CFAP46: variants seen among roughly 807,000 people sequenced by gnomAD.
CFAP46 encodes cilia and flagella associated protein 46.
CFAP46 carries 245 observed loss-of-function variants against 325.7 expected under a neutral mutation model. The observed-to-expected ratio is 0.75, with a 90% confidence interval of 0.68 to 0.84. CFAP46 has a LOEUF of 0.84. Ranked by LOEUF, CFAP46 falls within the 40% of genes least tolerant of loss-of-function variation. The pLI is 0.00. For synonymous variants in CFAP46, 1,523 were observed against 1,495.9 expected, an observed-to-expected ratio of 1.02 and a Z score of -0.42; for missense variants, 3,346 against 3,543.0, an observed-to-expected ratio of 0.94 and a Z score of 1.41.
At chr10:132,846,008 C>T in intron 44 of CFAP46, 49 bp downstream of exon 44, 2 of 1,563,268 alleles carry the variant, frequency 1.3e-6, no homozygotes, top group Non-Finnish European at 1.7e-6. Flanking sequence ...TGTCTGTCCA[C>T]AGAGCTCCAG....
chr10:132,817,127 C>A lies in CFAP46; in HGVS notation c.7118-2213G>T, dbSNP rs372327455. On this transcript the variant is annotated intron_variant, in intron 50 of 57. Coordinates refer to ENST00000368586, the MANE Select transcript of CFAP46 (RefSeq NM_001200049.3). This position sits in a 1 kb window ranked among gnomAD's most constrained non-coding sequence, Gnocchi z 4.4. ...ATCTCCCAGCGTTGGGGCTGGCCAACGGCTGCACCCCGCGGTTTTTGCTTT... is the reference window on the plus strand; with the variant it reads ...ATCTCCCAGCGTTGGGGCTGGCCAAAGGCTGCACCCCGCGGTTTTTGCTTT... Among the ~76,000 whole-genome samples the A allele has an allele frequency of 6.6e-6, 1 of 152,120 alleles. No homozygotes were observed. Among genetic ancestry groups the A allele is most frequent in the African/African-American group, 2.4e-5 (1 of 41,426 alleles).
intron 24 of CFAP46, 143 bp from the exon 25 acceptor site, chr10:132,892,560 G>T: frequency 1.4e-6 from 1 of 703,502 alleles, no homozygotes; most frequent in Non-Finnish European, 2.4e-6. Context: ...AAATTAACCT[G>T]ACAATGTTGT....
At chr10:132,868,524 G>A (rs1488211785) in intron 33 of CFAP46, among the ~76,000 whole-genome samples, 1 of 152,196 alleles carries the variant, frequency 6.6e-6, no homozygotes, top group Non-Finnish European at 1.5e-5. Flanking sequence ...GGTGAAGGCT[G>A]GTTACCACAG....
In CFAP46 at chr10:132,922,172, A is replaced by G. The variant is rs1849734244; in HGVS notation, c.1538T>C (p.Val513Ala). 6.4e-7 allele frequency: 1 copy of G among 1,550,446 alleles called. No individual in the cohort carries two copies. Among genetic ancestry groups the G allele is most frequent in the Non-Finnish European group, 8.7e-7 (1 of 1,146,942 alleles). Residue 513 changes from valine (V) to alanine (A), a missense_variant, in exon 13 of 58, where the codon GTG (valine) becomes GCG (alanine). Transcript: ENST00000368586. ...AGGGGCTAAGGCCAGGCCTGCATTC[A>G]CCAGGAGGGCCCGCTTCTTCCTGAC... ...DSVRKKRALL[V>A]NAGLALAPDA... is the part of the protein sequence containing the mutation.
intron 50 of CFAP46, among the ~76,000 whole-genome samples, chr10:132,818,856 GA>G (rs560908251): frequency 0.018 from 1,505 of 84,702 alleles, 18 homozygotes; most frequent in African/African-American, 0.054. Flanking sequence ...TCCATCTCCA[GA>G]AAAAAAAAAA....
At chr10:132,823,286 GTGC>G (rs1847930847) in intron 50 of CFAP46, among the ~76,000 whole-genome samples, 1 of 124,260 alleles carries the variant, frequency 8.0e-6, no homozygotes, top group Non-Finnish European at 1.7e-5. Flanking sequence ...TGTGCTGTGT[GTGC>G]TGTGTGTTGT....
At position 132,847,165 on chromosome 10, in the gene CFAP46, G is replaced by T. The variant is rs376079983; in HGVS notation, c.6087+22C>A. ...CAGGCTCCGGGCAGAGGCCACACGA[G>T]GGGCAGGAGGGGCAGCCGCACCTTC... On this transcript the variant is annotated intron_variant, in intron 42 of 57. Coordinates refer to ENST00000368586, the MANE Select transcript of CFAP46 (RefSeq NM_001200049.3). This position sits in a 1 kb window ranked among gnomAD's most constrained non-coding sequence, Gnocchi z 5.2. 2 of 1,608,440 alleles carry T rather than the reference G, an allele frequency of 1.2e-6. No individual in the cohort carries two copies. Among genetic ancestry groups the T allele is most frequent in the African/African-American group, 1.3e-5 (1 of 74,910 alleles).
intron 15 of CFAP46, 121 bp from the exon 16 acceptor site, chr10:132,918,641 A>C: frequency 1.5e-6 from 2 of 1,301,394 alleles, no homozygotes; most frequent in South Asian, 3.7e-5. Context: ...AGGGTCCGCC[A>C]AGGTGGGCGG....
At chr10:132,878,835 C>T (rs2135352376) in intron 29 of CFAP46, among the ~76,000 whole-genome samples, 1 of 152,324 alleles carries the variant, frequency 6.6e-6, no homozygotes, top group East Asian at 1.9e-4. Flanking sequence ...AAAGGCCTGC[C>T]ATGCCTGGCG....
intron 8 of CFAP46, 69 bp downstream of exon 8, chr10:132,934,683 T>C: frequency 4.5e-6 from 5 of 1,110,698 alleles, no homozygotes; most frequent in Non-Finnish European, 6.7e-6. Context: ...TTTTTCACAT[T>C]TTTCAGTGCC....
At chr10:132,821,948 C>CA (rs1847849431) in intron 50 of CFAP46, among the ~76,000 whole-genome samples, 1 of 90,406 alleles carries the variant, frequency 1.1e-5, no homozygotes, top group Non-Finnish European at 2.0e-5. Flanking sequence ...GCTGTGTGTG[C>CA]GCTTGTGTGT....
chr10:132,876,766 C>T lies in CFAP46; in HGVS notation c.4362+46G>A, dbSNP rs999537995. 1.3e-6 allele frequency: 2 copies of T among 1,528,384 alleles called. No homozygotes were observed. Among genetic ancestry groups the T allele is most frequent in the Admixed American group, 2.1e-5 (1 of 48,714 alleles). The allele number at this position is 1,528,384 out of a possible 1,614,324, so 94.7% of individuals were successfully genotyped here. ...GACTTGGGGACAGGTCAAGGGGACA[C>T]CATGCTGTGACCAAGGTCTTGAGCC... On this transcript the variant is annotated intron_variant, in intron 31 of 57. Coordinates refer to ENST00000368586, the MANE Select transcript of CFAP46 (RefSeq NM_001200049.3). The surrounding 1 kb of genome is among the most constrained non-coding windows in gnomAD (Gnocchi z 4.1).
intron 19 of CFAP46, among the ~76,000 whole-genome samples, chr10:132,912,105 G>C (rs1849548219): frequency 7.1e-6 from 1 of 141,828 alleles, no homozygotes; most frequent in African/African-American, 2.6e-5. Flanking sequence ...CTGCCTCCCT[G>C]CTCTCTCCCT....
At chr10:132,854,360 G>A (rs1192371453) in intron 39 of CFAP46, among the ~76,000 whole-genome samples, 1 of 152,040 alleles carries the variant, frequency 6.6e-6, no homozygotes, top group Non-Finnish European at 1.5e-5. Context: ...GTTTTGAGAT[G>A]GAGTTTCGCT....
intron 9 of CFAP46, among the ~76,000 whole-genome samples, chr10:132,927,285 T>C (rs1192275740): frequency 6.6e-6 from 1 of 151,400 alleles, no homozygotes; most frequent in African/African-American, 2.4e-5. Flanking sequence ...TCTTCACAAC[T>C]ATCAGACACA....
At position 132,810,605 on chromosome 10, in the gene CFAP46, C is replaced by T. The variant is rs755185964; in HGVS notation, c.7584-116G>A. On this transcript the variant is annotated intron_variant, in intron 56 of 57. Coordinates refer to ENST00000368586, the MANE Select transcript of CFAP46 (RefSeq NM_001200049.3). ...CGCACTTTCCCATAAGACGCTGGCC[C>T]GCAGCGCGTTGTCCTGCAGCAGCGT... 90 of 911,696 alleles carry T rather than the reference C, an allele frequency of 9.9e-5. 1 individual carries two copies. The highest frequency in any genetic ancestry group is 4.7e-4 in the South Asian group (34 of 72,880). 56.5% of individuals were successfully genotyped at this position (911,696 alleles called of 1,614,324 possible). A position where few individuals can be genotyped will look rare whatever the true frequency, so the allele number is the denominator to read the frequency against.
In CFAP46 at chr10:132,862,815, G is replaced by A. The variant is rs1307161533; in HGVS notation, c.4891-1833C>T. Among the ~76,000 whole-genome samples the A allele has an allele frequency of 3.3e-5, 5 of 150,500 alleles. No individual in the cohort carries two copies. In the East Asian group the frequency reaches 1.0e-3, roughly 30 times the overall value. On this transcript the variant is annotated intron_variant, in intron 35 of 57. Coordinates refer to ENST00000368586, the MANE Select transcript of CFAP46 (RefSeq NM_001200049.3). ...TCAGGAGAGGCTGGAGGGGGACGGG[G>A]CGGCCGGGCTGCACTGGCTGAGGGT...
rs1277783541 is a variant in CFAP46 at position 132,847,719 on chromosome 10, G to C, written c.5953-398C>G. Among the ~76,000 whole-genome samples the C allele has an allele frequency of 6.6e-6, 1 of 152,098 alleles. No individual in the cohort carries two copies. Among genetic ancestry groups the C allele is most frequent in the African/African-American group, 2.4e-5 (1 of 41,428 alleles). ...CTGAGGCATCCACCAGCCCTCAGGGGCCCCTGATCTGGCTGAGACACAAGC... is the reference window on the plus strand; with the variant it reads ...CTGAGGCATCCACCAGCCCTCAGGGCCCCCTGATCTGGCTGAGACACAAGC... On this transcript the variant is annotated intron_variant, in intron 41 of 57. Coordinates refer to ENST00000368586, the MANE Select transcript of CFAP46 (RefSeq NM_001200049.3). The surrounding 1 kb of genome is among the most constrained non-coding windows in gnomAD (Gnocchi z 5.2).
intron 8 of CFAP46, among the ~76,000 whole-genome samples, chr10:132,932,227 ACTCCCCACACAGAGCCTGGGCCTTCCTC>A (rs1849920391): frequency 5.6e-5 from 4 of 72,058 alleles, no homozygotes; most frequent in African/African-American, 2.1e-4. Context: ...GTCTCCCTAC[ACTCCCCACACAGAGCCTGGGCCTTCCTC>A]CTCCCCACAC....
Sources: gnomAD v4.1 joint callset for allele counts (sites outside exome capture counted in the v4.1 genomes callset) on GRCh38, gnomAD v4.1.1 for gene constraint, Gnocchi (gnomAD v3.1) non-coding constraint, MANE v1.5 for transcripts, NCBI Gene and HGNC (gene_info 2026-07-23, HGNC 2026-07-21) for gene names.